Variants in JARID2 observed in about 807,000 individuals in gnomAD.
The protein encoded by JARID2 is jumonji and AT-rich interaction domain containing 2, also known as protein Jumonji.
A neutral mutation model predicts 125.6 loss-of-function variants in JARID2; 21 were observed. That is an observed-to-expected ratio of 0.17 (90% confidence interval 0.12 to 0.24). The LOEUF (loss-of-function observed/expected upper bound fraction) is 0.24, where lower values mean the gene tolerates loss of function less well. JARID2 is among the 10% of genes least tolerant of loss of function. The pLI is 1.00. For synonymous variants in JARID2, 736 were observed against 661.6 expected, an observed-to-expected ratio of 1.11 and a Z score of -1.73; for missense variants, 1,303 against 1,639.6, an observed-to-expected ratio of 0.79 and a Z score of 3.55.
intron 4 of JARID2, among the ~76,000 whole-genome samples, chr6:15,468,325 T>G (rs1380669111): frequency 6.6e-6 from 1 of 152,180 alleles, no homozygotes; most frequent in African/African-American, 2.4e-5. Context: ...AATCCTTATT[T>G]GTTCTATTTT....
At chr6:15,443,634 G>A (rs1399384594) in intron 3 of JARID2, among the ~76,000 whole-genome samples, 1 of 152,074 alleles carries the variant, frequency 6.6e-6, no homozygotes, top group East Asian at 1.9e-4. Context: ...AAAATAATCA[G>A]GACTTTTCAT....
intron 3 of JARID2, among the ~76,000 whole-genome samples, chr6:15,426,528 A>G (rs910154900): frequency 3.9e-5 from 6 of 152,204 alleles, no homozygotes; most frequent in Non-Finnish European, 8.8e-5. Context: ...CACACTATGT[A>G]GGAGGTTACT....
chr6:15,327,290 T>C (rs552417544), intron 1 of JARID2, among the ~76,000 whole-genome samples: 1 of 152,172 alleles, frequency 6.6e-6, no homozygotes, highest in East Asian at 1.9e-4. Context: ...GTCACCCAGG[T>C]TGGAGTGCAG....
chr6:15,428,581 C>G (rs1054343313), intron 3 of JARID2, among the ~76,000 whole-genome samples: 4 of 152,090 alleles, frequency 2.6e-5, no homozygotes, highest in African/African-American at 9.7e-5. Context: ...TCATCCATGT[C>G]CCTACAAAGG....
chr6:15,455,689 G>A (rs1213288735), intron 4 of JARID2, among the ~76,000 whole-genome samples: 2 of 152,036 alleles, frequency 1.3e-5, no homozygotes, highest in African/African-American at 4.8e-5. Flanking sequence ...CCACCACTAC[G>A]CCTGGCTAAT....
At chr6:15,516,394 T>C (rs756920811) in intron 16 of JARID2, among the ~76,000 whole-genome samples, 1 of 152,228 alleles carries the variant, frequency 6.6e-6, no homozygotes, top group Non-Finnish European at 1.5e-5. Flanking sequence ...GGCTGTTTCC[T>C]TTCATCCGGC....
chr6:15,351,103 G>A (rs1254366503), intron 1 of JARID2, among the ~76,000 whole-genome samples: 2 of 152,164 alleles, frequency 1.3e-5, no homozygotes, highest in African/African-American at 4.8e-5. Context: ...ATTTGAAGGT[G>A]CCTTTTTGGT....
chr6:15,264,642 A>AGT (rs56699192), intron 1 of JARID2, among the ~76,000 whole-genome samples: 2 of 136,016 alleles, frequency 1.5e-5, no homozygotes, highest in African/African-American at 5.4e-5. Flanking sequence ...TGTGTGTGTG[A>AGT]GAGAGAGAGA....
chr6:15,418,775 G>A (rs536018832), intron 3 of JARID2, among the ~76,000 whole-genome samples: 10 of 152,274 alleles, frequency 6.6e-5, no homozygotes, highest in African/African-American at 2.4e-4. Context: ...ATAACTCAGT[G>A]TACTCTGAGA....
At chr6:15,319,076 G>T (rs1382357530) in intron 1 of JARID2, among the ~76,000 whole-genome samples, 1 of 152,224 alleles carries the variant, frequency 6.6e-6, no homozygotes. Flanking sequence ...TATTTACATA[G>T]AAAGTAAGTA....
chr6:15,362,280 C>A lies in JARID2; in HGVS notation c.46-11837C>A, dbSNP rs139988037. Among the ~76,000 whole-genome samples the A allele has an allele frequency of 1.1e-3, 169 of 152,278 alleles. No homozygotes were observed. In the East Asian group the frequency reaches 0.023, roughly 21 times the overall value. On this transcript the variant is annotated intron_variant, in intron 1 of 17. Coordinates refer to ENST00000341776, the MANE Select transcript of JARID2 (RefSeq NM_004973.4). The stretch of plus-strand genomic sequence containing the variant: ...GTTACATAGGATCATGCATTCTTTG[C>A]AATACAGAACGAACAGCCAGCCTTA...
intron 1 of JARID2, among the ~76,000 whole-genome samples, chr6:15,321,927 G>A (rs1762373012): frequency 6.6e-6 from 1 of 151,182 alleles, no homozygotes; most frequent in Non-Finnish European, 1.5e-5. Context: ...CAAGTAGCTG[G>A]GATTACACTG....
chr6:15,248,968 A>C (rs2127286446), intron 1 of JARID2: 1 of 985,418 alleles, frequency 1.0e-6, no homozygotes, highest in Non-Finnish European at 1.2e-6. Context: ...CCACCAGGTG[A>C]GGGCCGGGGA....
chr6:15,331,174 A>G (rs1163990409), intron 1 of JARID2, among the ~76,000 whole-genome samples: 1 of 152,068 alleles, frequency 6.6e-6, no homozygotes, highest in African/African-American at 2.4e-5. Context: ...CTCTACAAAA[A>G]AATACAAAAA....
chr6:15,448,409 A>T (rs991614810), intron 3 of JARID2, among the ~76,000 whole-genome samples: 48 of 151,970 alleles, frequency 3.2e-4, no homozygotes, highest in African/African-American at 1.1e-3. Flanking sequence ...TTTGTTTCTC[A>T]TTGTCGCTGC....
chr6:15,404,585 T>C (rs1420712782), intron 2 of JARID2, among the ~76,000 whole-genome samples: 1 of 147,762 alleles, frequency 6.8e-6, no homozygotes, highest in Non-Finnish European at 1.5e-5. Context: ...AAATTGCTGC[T>C]GAAAATGAAA....
chr6:15,276,686 G>C (rs1342092383), intron 1 of JARID2, among the ~76,000 whole-genome samples: 3 of 152,102 alleles, frequency 2.0e-5, no homozygotes, highest in Non-Finnish European at 4.4e-5. Context: ...CAGAGATACT[G>C]GACTCCTTTT....
chr6:15,392,825 C>T (rs781771932), intron 2 of JARID2, among the ~76,000 whole-genome samples: 3 of 151,730 alleles, frequency 2.0e-5, no homozygotes, highest in Admixed American at 6.6e-5. Context: ...GCGGGGGTTA[C>T]AGGCGCCCAC....
At position 15,462,521 on chromosome 6, in the gene JARID2, A is replaced by G. The variant is rs535231773; in HGVS notation, c.494-6021A>G. On this transcript the variant is annotated intron_variant, in intron 4 of 17. Coordinates refer to ENST00000341776, the MANE Select transcript of JARID2 (RefSeq NM_004973.4). ...ACTGCTTTCTTCTGTGACTTCTTTC[A>G]TCTTCTATCCGTTGCCCAAGTCCCT... 4.6e-5 allele frequency among the ~76,000 whole-genome samples: 7 copies of G among 152,282 alleles called. No homozygotes were observed. The South Asian group carries it at 1.0e-3, about 23-fold the overall frequency.
Sources: gnomAD v4.1 joint callset for allele counts (sites outside exome capture counted in the v4.1 genomes callset) on GRCh38, gnomAD v4.1.1 for gene constraint, MANE v1.5 for transcripts, NCBI Gene and HGNC (gene_info 2026-07-23, HGNC 2026-07-21) for gene names.